The following DPP6 variants were observed in gnomAD, a reference collection of about 807,000 sequenced individuals.
DPP6 encodes A-type potassium channel modulatory protein DPP6.
In DPP6, 69 loss-of-function variants were observed where a neutral mutation model predicts 122.6. The observed-to-expected ratio is 0.56, with a 90% CI of 0.46 to 0.69. The LOEUF (loss-of-function observed/expected upper bound fraction) is 0.69. Ranked by LOEUF, DPP6 falls within the 30% of genes least tolerant of loss-of-function variation. The pLI, the probability that DPP6 is intolerant of heterozygous loss-of-function variation, is 0.00. For missense variants in DPP6, 928 were observed against 1,116.9 expected (o/e 0.83, Z 2.41); for synonymous variants, 418 against 433.1 (o/e 0.97, Z 0.43).
intron 1 of DPP6, among the ~76,000 whole-genome samples, chr7:154,183,066 C>T (rs772892341): frequency 1.8e-4 from 27 of 152,210 alleles, no homozygotes; most frequent in East Asian, 3.9e-4. Flanking sequence ...ATTCACTTCC[C>T]GGATAAGGAT....
chr7:154,136,567 C>G (rs575051873), intron 1 of DPP6, among the ~76,000 whole-genome samples: 1 of 152,164 alleles, frequency 6.6e-6, no homozygotes, highest in Admixed American at 6.5e-5. Context: ...ACATCACTTG[C>G]GAAACTCCTA....
At chr7:153,872,261 T>C in the DPP6 span, among the ~76,000 whole-genome samples, 1 of 152,172 alleles carries the variant, frequency 6.6e-6, no homozygotes, top group African/African-American at 2.4e-5. Flanking sequence ...TGGTAATGTG[T>C]ATTTTCATAA....
chr7:154,522,382 C>T (rs777748051), intron 3 of DPP6, among the ~76,000 whole-genome samples: 29 of 152,244 alleles, frequency 1.9e-4, no homozygotes, highest in Admixed American at 9.8e-4. Flanking sequence ...AATCAAGAGG[C>T]CTGCGTGAGG....
chr7:154,272,599 T>G (rs1366408554), intron 1 of DPP6, among the ~76,000 whole-genome samples: 1 of 152,318 alleles, frequency 6.6e-6, no homozygotes, highest in Middle Eastern at 3.4e-3. Flanking sequence ...ATGAGGTTCA[T>G]TTTTAAAATC....
chr7:153,750,292 T>G, the DPP6 span, among the ~76,000 whole-genome samples: 8 of 151,960 alleles, frequency 5.3e-5, no homozygotes, highest in Non-Finnish European at 1.5e-5. Context: ...CTCACTATGA[T>G]TTGAGTAGTT....
the DPP6 span, among the ~76,000 whole-genome samples, chr7:153,799,525 AC>A: frequency 6.6e-6 from 1 of 152,104 alleles, no homozygotes; most frequent in African/African-American, 2.4e-5. Flanking sequence ...CCATGTACAC[AC>A]CATCCCGCTC....
chr7:154,475,254 C>A, intron 3 of DPP6: 1 of 481,662 alleles, frequency 2.1e-6, no homozygotes, highest in Non-Finnish European at 3.9e-6. Flanking sequence ...CCCGAGCATC[C>A]ACACAGCCTT....
intron 1 of DPP6, among the ~76,000 whole-genome samples, chr7:154,411,096 T>G (rs1181226611): frequency 6.6e-6 from 1 of 152,230 alleles, no homozygotes; most frequent in African/African-American, 2.4e-5. Context: ...CCACCTTTGC[T>G]TAAACCTAAG....
In DPP6 at chr7:154,862,536, G is replaced by A. The variant is rs1009584775; in HGVS notation, c.1715-5459G>A. ...AAGCAAGCCACGCATGGAGCTGCAC[G>A]CCCTGCAGGATGTCTGCAGGTGCTT... On this transcript the variant is annotated intron_variant, in intron 17 of 25. Coordinates refer to ENST00000377770, the MANE Select transcript of DPP6 (RefSeq NM_130797.4). Among the ~76,000 whole-genome samples, 9 of 152,344 alleles carry A rather than the reference G, an allele frequency of 5.9e-5. No homozygotes were observed. The South Asian group carries it at 1.2e-3, about 21-fold the overall frequency.
In DPP6 at chr7:154,863,852, GGTGA is replaced by G. The variant is rs1297155227; in HGVS notation, c.1715-4140_1715-4137del. Among the ~76,000 whole-genome samples the G allele has an allele frequency of 6.6e-6, 1 of 152,008 alleles. No individual in the cohort carries two copies. Among genetic ancestry groups the G allele is most frequent in the Non-Finnish European group, 1.5e-5 (1 of 68,028 alleles). On this transcript the variant is annotated intron_variant, in intron 17 of 25. Transcript: ENST00000377770. This position sits in a 1 kb window ranked among gnomAD's most constrained non-coding sequence, Gnocchi z 4.1. ...TCAGAGAAAAGAGATTTCCAGTTAA[GGTGA>G]GTAAGTTTAAACAGTAGTCATGCGG...
chr7:154,716,534 C>G (rs1841494061), intron 7 of DPP6, among the ~76,000 whole-genome samples: 1 of 152,286 alleles, frequency 6.6e-6, no homozygotes, highest in East Asian at 1.9e-4. Flanking sequence ...TCACCCCCAG[C>G]TATAGTTTAC....
intron 1 of DPP6, among the ~76,000 whole-genome samples, chr7:154,181,366 G>A (rs117225087): frequency 5.0e-4 from 76 of 152,214 alleles, no homozygotes; most frequent in Middle Eastern, 3.4e-3. Flanking sequence ...CTCCCCAACC[G>A]CCCCATCATA....
chr7:154,226,942 A>G (rs1335649716), intron 1 of DPP6, among the ~76,000 whole-genome samples: 2 of 152,172 alleles, frequency 1.3e-5, no homozygotes, highest in East Asian at 1.9e-4. Flanking sequence ...ATCCAGTCAG[A>G]TAATAGATGG....
chr7:154,310,090 A>G (rs1349838380), intron 1 of DPP6, among the ~76,000 whole-genome samples: 1 of 152,130 alleles, frequency 6.6e-6, no homozygotes, highest in African/African-American at 2.4e-5. Context: ...GAAGGATTTG[A>G]GGAGAGAACT....
intron 2 of DPP6, among the ~76,000 whole-genome samples, chr7:154,473,596 G>T (rs939611932): frequency 1.1e-4 from 16 of 152,060 alleles, no homozygotes; most frequent in Non-Finnish European, 1.9e-4. Flanking sequence ...CAATGCACTG[G>T]GGTCCTAGAA....
At position 154,702,579 on chromosome 7, in the gene DPP6, T is replaced by C. The variant is rs78788385; in HGVS notation, c.763-25188T>C. On this transcript the variant is annotated intron_variant, in intron 7 of 25. Transcript: ENST00000377770. ...AGATCAAACCAGATACAGTATTCCC[T>C]GAAGCCAAAGCCTAATCCAGAACAA... Among the ~76,000 whole-genome samples, 3,419 of 152,344 alleles carry C rather than the reference T, an allele frequency of 0.022. 226 individuals are homozygous for C. In the East Asian group the frequency reaches 0.24, roughly 11 times the overall value.
chr7:154,285,636 G>A (rs974821135), intron 1 of DPP6, among the ~76,000 whole-genome samples: 18 of 152,246 alleles, frequency 1.2e-4, no homozygotes, highest in African/African-American at 2.6e-4. Context: ...GTGAGGAAAC[G>A]GTTTAAAAAT....
chr7:154,162,139 C>T (rs1487059184), intron 1 of DPP6, among the ~76,000 whole-genome samples: 1 of 147,532 alleles, frequency 6.8e-6, no homozygotes, highest in African/African-American at 2.5e-5. Context: ...TCAGAGGCAG[C>T]GTGGTGTGGG....
At chr7:154,252,553 C>A (rs1383634024) in intron 1 of DPP6, among the ~76,000 whole-genome samples, 2 of 152,210 alleles carry the variant, frequency 1.3e-5, no homozygotes, top group African/African-American at 4.8e-5. Flanking sequence ...ACCTCCACCC[C>A]ACACTGCCTC....
Sources: allele counts gnomAD v4.1 joint callset (sites outside exome capture counted in the v4.1 genomes callset), GRCh38; gene constraint gnomAD v4.1.1; non-coding constraint Gnocchi (gnomAD v3.1); transcripts MANE v1.5; gene names NCBI Gene and HGNC (gene_info 2026-07-23, HGNC 2026-07-21).